Variants in FUT8 observed in about 807,000 individuals in gnomAD.
FUT8 encodes alpha-(1,6)-fucosyltransferase.
A neutral mutation model predicts 71.3 loss-of-function variants in FUT8; 29 were observed. The observed-to-expected ratio is 0.41, with a 90% CI of 0.30 to 0.55. The LOEUF (loss-of-function observed/expected upper bound fraction) is 0.55, where lower values mean the gene tolerates loss of function less well. Ranked by LOEUF, FUT8 falls within the 20% of genes least tolerant of loss-of-function variation. FUT8 has a pLI of 0.34. For missense variants in FUT8, 544 were observed against 702.1 expected (o/e 0.77, Z 2.55); for synonymous variants, 254 against 239.3 (o/e 1.06, Z -0.57).
chr14:65,580,070 T>TTATATATATATATA lies in FUT8; in HGVS notation c.203+18311_203+18324dup, dbSNP rs59069113. ...TTCAAAATACTGATAGTGCTATATTTTATATATATATATATATATAGTCAT... is the reference window on the plus strand; with the variant it reads ...TTCAAAATACTGATAGTGCTATATTTTATATATATATATATATATATATATATATATATAGTCAT... On this transcript the variant is annotated intron_variant, in intron 3 of 10. Coordinates refer to ENST00000673929, the MANE Select transcript of FUT8 (RefSeq NM_001371533.1). Among the ~76,000 whole-genome samples the TTATATATATATATA allele has an allele frequency of 4.4e-3, 630 of 142,804 alleles. 9 individuals carry two copies. Among genetic ancestry groups the TTATATATATATATA allele is most frequent in the African/African-American group, 0.014 (533 of 38,032 alleles). The allele number at this position is 142,804 out of a possible 152,430, so 93.7% of individuals were successfully genotyped here.
At chr14:65,611,471 C>G (rs892217892) in intron 3 of FUT8, among the ~76,000 whole-genome samples, 6 of 151,464 alleles carry the variant, frequency 4.0e-5, no homozygotes, top group Admixed American at 2.0e-4. Flanking sequence ...CATTGATCGT[C>G]TCTCTGATCT....
At chr14:65,617,552 G>A (rs142148881) in intron 5 of FUT8, among the ~76,000 whole-genome samples, 2 of 152,256 alleles carry the variant, frequency 1.3e-5, no homozygotes, top group Admixed American at 6.5e-5. Flanking sequence ...AGTTTTTTAG[G>A]CCAATTCACA....
chr14:65,578,675 T>C (rs747955964), intron 3 of FUT8, among the ~76,000 whole-genome samples: 4 of 152,176 alleles, frequency 2.6e-5, no homozygotes, highest in South Asian at 2.1e-4. Context: ...CTGATTTAGA[T>C]AACATAATGA....
intron 3 of FUT8, among the ~76,000 whole-genome samples, chr14:65,568,621 C>A (rs959826203): frequency 2.0e-5 from 3 of 151,142 alleles, no homozygotes; most frequent in Non-Finnish European, 4.4e-5. Flanking sequence ...GTTTGTTCTT[C>A]AACCAGATAG....
chr14:65,686,930 C>A (rs1198733155), intron 7 of FUT8, among the ~76,000 whole-genome samples: 1 of 152,146 alleles, frequency 6.6e-6, no homozygotes, highest in East Asian at 1.9e-4. Flanking sequence ...TCTTAGGTAA[C>A]CTGTGACTCA....
intron 7 of FUT8, among the ~76,000 whole-genome samples, chr14:65,708,530 A>G (rs573588996): frequency 1.3e-5 from 2 of 152,238 alleles, no homozygotes; most frequent in Non-Finnish European, 2.9e-5. Flanking sequence ...TCAATATTTT[A>G]TAAGTTTTCA....
intron 1 of FUT8, among the ~76,000 whole-genome samples, chr14:65,436,357 A>G (rs775398319): frequency 9.2e-5 from 14 of 152,162 alleles, no homozygotes; most frequent in Admixed American, 5.9e-4. Context: ...GTGGCCAGGC[A>G]CAGTGGCTCA....
At chr14:65,736,284 G>A (rs1228345774) in intron 10 of FUT8, among the ~76,000 whole-genome samples, 1 of 151,792 alleles carries the variant, frequency 6.6e-6, no homozygotes, top group African/African-American at 2.4e-5. Context: ...TATATGAATA[G>A]TTATAGGAAT....
At chr14:65,623,213 G>C (rs1294697251) in intron 5 of FUT8, among the ~76,000 whole-genome samples, 1 of 152,008 alleles carries the variant, frequency 6.6e-6, no homozygotes, top group African/African-American at 2.4e-5. Flanking sequence ...TCAACATTTT[G>C]AATCAGGCGT....
At chr14:65,654,252 A>G (rs1190866949) in intron 6 of FUT8, among the ~76,000 whole-genome samples, 1 of 152,190 alleles carries the variant, frequency 6.6e-6, no homozygotes, top group African/African-American at 2.4e-5. Flanking sequence ...AGACTGTAAT[A>G]ATTGTTGTAT....
intron 6 of FUT8, among the ~76,000 whole-genome samples, chr14:65,644,342 G>A (rs1891015709): frequency 6.6e-6 from 1 of 151,996 alleles, no homozygotes; most frequent in South Asian, 2.1e-4. Context: ...CCAGGCTGGA[G>A]TGTAGTGGTG....
chr14:65,451,812 C>T (rs566325011), intron 1 of FUT8, among the ~76,000 whole-genome samples: 3 of 152,276 alleles, frequency 2.0e-5, no homozygotes, highest in African/African-American at 7.2e-5. Context: ...AGTCAAGCCA[C>T]CTCTCTCCAA....
intron 1 of FUT8, among the ~76,000 whole-genome samples, chr14:65,448,488 G>A (rs2065776009): frequency 6.6e-6 from 1 of 152,158 alleles, no homozygotes; most frequent in Non-Finnish European, 1.5e-5. Context: ...TTTAAGCACA[G>A]TACTCATAAA....
At chr14:65,376,624 C>T in the FUT8 span, among the ~76,000 whole-genome samples, 1 of 146,550 alleles carries the variant, frequency 6.8e-6, no homozygotes, top group African/African-American at 2.5e-5. Context: ...GTTGGTCAGG[C>T]TGGTCTTGAA....
chr14:65,648,952 G>T (rs1891235709), intron 6 of FUT8, among the ~76,000 whole-genome samples: 1 of 152,186 alleles, frequency 6.6e-6, no homozygotes, highest in Non-Finnish European at 1.5e-5. Flanking sequence ...ATTTGGAGAA[G>T]TAGGGAGTCT....
At chr14:65,482,013 C>G (rs2066338835) in intron 2 of FUT8, among the ~76,000 whole-genome samples, 1 of 151,980 alleles carries the variant, frequency 6.6e-6, no homozygotes, top group South Asian at 2.1e-4. Flanking sequence ...TTGTGTTTAT[C>G]TATCAGTTTG....
At chr14:65,600,772 A>G (rs540000857) in intron 3 of FUT8, among the ~76,000 whole-genome samples, 22 of 152,318 alleles carry the variant, frequency 1.4e-4, no homozygotes, top group African/African-American at 5.3e-4. Flanking sequence ...TGAGCAAATA[A>G]GTAAGCAATT....
At chr14:65,728,461 T>C (rs1895797117) in intron 9 of FUT8, among the ~76,000 whole-genome samples, 1 of 152,204 alleles carries the variant, frequency 6.6e-6, no homozygotes, top group Non-Finnish European at 1.5e-5. Context: ...CTCATGAGAC[T>C]TATTCACTAT....
At chr14:65,440,104 C>T (rs1388184202) in intron 1 of FUT8, among the ~76,000 whole-genome samples, 3 of 150,932 alleles carry the variant, frequency 2.0e-5, no homozygotes, top group Non-Finnish European at 4.4e-5. Flanking sequence ...AAGCCAGACA[C>T]AGAAAGACAA....
Sources: allele counts gnomAD v4.1 joint callset (sites outside exome capture counted in the v4.1 genomes callset), GRCh38; gene constraint gnomAD v4.1.1; transcripts MANE v1.5; gene names NCBI Gene and HGNC (gene_info 2026-07-23, HGNC 2026-07-21).